Variants in RBMS3 observed in about 807,000 individuals in gnomAD.
The protein encoded by RBMS3 is RNA binding motif single stranded interacting protein 3.
In RBMS3, 27 loss-of-function variants were observed where a neutral mutation model predicts 66.8. The ratio of observed to expected loss-of-function variants is 0.40; its 90% CI spans 0.30 to 0.56. The LOEUF is 0.56. Ranked by LOEUF, RBMS3 falls within the 20% of genes least tolerant of loss-of-function variation. The pLI is 0.40. For synonymous variants in RBMS3, 188 were observed against 183.0 expected (o/e 1.03, Z -0.22); for missense variants, 513 against 549.5 (o/e 0.93, Z 0.66).
intron 4 of RBMS3, among the ~76,000 whole-genome samples, chr3:29,684,605 TGATA>T (rs536587096): frequency 2.3e-3 from 343 of 152,348 alleles, no homozygotes; most frequent in Non-Finnish European, 3.5e-3. Context: ...TCTGATTGTT[TGATA>T]GATAGACATA....
chr3:29,940,833 T>G (rs567442058), intron 11 of RBMS3, among the ~76,000 whole-genome samples: 95 of 151,900 alleles, frequency 6.3e-4, no homozygotes, highest in African/African-American at 2.2e-3. Context: ...CTGAAGGATT[T>G]TCCTAGCTTT....
At chr3:29,928,593 ACAAATAGTCT>A (rs1187949920) in intron 10 of RBMS3, among the ~76,000 whole-genome samples, 5 of 151,706 alleles carry the variant, frequency 3.3e-5, no homozygotes, top group African/African-American at 1.2e-4. Flanking sequence ...ATTTTTTCAC[ACAAATAGTCT>A]CATTTTTTCA....
chr3:29,774,537 AC>A (rs2056350809), intron 6 of RBMS3, among the ~76,000 whole-genome samples: 1 of 152,154 alleles, frequency 6.6e-6, no homozygotes, highest in Non-Finnish European at 1.5e-5. Context: ...ATGTTTTTAC[AC>A]ATAATCATTT....
At chr3:29,808,259 A>G (rs2057620484) in intron 6 of RBMS3, among the ~76,000 whole-genome samples, 1 of 151,896 alleles carries the variant, frequency 6.6e-6, no homozygotes, top group Non-Finnish European at 1.5e-5. Flanking sequence ...CATAACTTCT[A>G]CAGCCTTTCT....
At chr3:29,643,564 C>T (rs1031929972) in intron 4 of RBMS3, among the ~76,000 whole-genome samples, 1 of 152,046 alleles carries the variant, frequency 6.6e-6, no homozygotes, top group Non-Finnish European at 1.5e-5. Context: ...ATTCACGGAT[C>T]CATATGCTTA....
At chr3:29,420,981 C>A (rs937091358) in intron 1 of RBMS3, among the ~76,000 whole-genome samples, 2 of 146,576 alleles carry the variant, frequency 1.4e-5, no homozygotes, top group African/African-American at 4.9e-5. Context: ...GGCGTGGTGG[C>A]GGGCGCCTGT....
intron 6 of RBMS3, among the ~76,000 whole-genome samples, chr3:29,824,115 C>A (rs942206860): frequency 6.6e-6 from 1 of 151,188 alleles, no homozygotes; most frequent in Admixed American, 6.6e-5. Flanking sequence ...GTCCCCCCAC[C>A]CCCACCCCAC....
intron 1 of RBMS3, among the ~76,000 whole-genome samples, chr3:29,425,189 CAA>C (rs35181201): frequency 3.3e-4 from 38 of 114,638 alleles, no homozygotes; most frequent in African/African-American, 6.2e-4. Context: ...TAAAAAATAC[CAA>C]AAAAAAAAAA....
chr3:29,327,988 T>C (rs536600952), intron 1 of RBMS3, among the ~76,000 whole-genome samples: 1 of 152,338 alleles, frequency 6.6e-6, no homozygotes, highest in African/African-American at 2.4e-5. Flanking sequence ...TATCAGTAAA[T>C]GATTGTTATC....
chr3:29,784,208 T>G (rs566837846), intron 6 of RBMS3, among the ~76,000 whole-genome samples: 1 of 152,134 alleles, frequency 6.6e-6, no homozygotes, highest in Non-Finnish European at 1.5e-5. Flanking sequence ...TTAACAGATA[T>G]TTTCAGAACA....
At chr3:29,529,195 T>C (rs912353891) in intron 3 of RBMS3, among the ~76,000 whole-genome samples, 1 of 152,242 alleles carries the variant, frequency 6.6e-6, no homozygotes, top group Non-Finnish European at 1.5e-5. Context: ...AGTGTATTTA[T>C]TGATCTATTG....
At chr3:29,926,151 A>G (rs2060931298) in intron 10 of RBMS3, among the ~76,000 whole-genome samples, 1 of 152,196 alleles carries the variant, frequency 6.6e-6, no homozygotes, top group South Asian at 2.1e-4. Context: ...ATTAGACCAC[A>G]GAACATGTCA....
At chr3:29,627,233 A>G (rs979112663) in intron 4 of RBMS3, among the ~76,000 whole-genome samples, 2 of 151,920 alleles carry the variant, frequency 1.3e-5, no homozygotes, top group Non-Finnish European at 2.9e-5. Context: ...TGAACATCTC[A>G]CCTAGTATAA....
intron 4 of RBMS3, among the ~76,000 whole-genome samples, chr3:29,597,036 A>G (rs1460239857): frequency 1.3e-5 from 2 of 152,164 alleles, no homozygotes; most frequent in African/African-American, 4.8e-5. Context: ...GTGGAATGGG[A>G]CAAGATGGAC....
chr3:29,875,923 A>C (rs2059601583), intron 7 of RBMS3, among the ~76,000 whole-genome samples: 1 of 152,178 alleles, frequency 6.6e-6, no homozygotes, highest in Admixed American at 6.6e-5. Flanking sequence ...AGCAAAAGCC[A>C]AAAAGAAGAA....
intron 12 of RBMS3, among the ~76,000 whole-genome samples, chr3:29,963,067 T>C (rs1696591042): frequency 6.6e-6 from 1 of 152,042 alleles, no homozygotes; most frequent in Non-Finnish European, 1.5e-5. Context: ...TTTACTTTCC[T>C]GTTCAGAATG....
At chr3:29,610,983 G>A (rs921033534) in intron 4 of RBMS3, among the ~76,000 whole-genome samples, 1 of 151,828 alleles carries the variant, frequency 6.6e-6, no homozygotes, top group Non-Finnish European at 1.5e-5. Context: ...CAAGTCTTTG[G>A]TGCAGACATG....
chr3:29,957,517 G>A (rs1025393708), intron 12 of RBMS3, among the ~76,000 whole-genome samples: 2 of 152,118 alleles, frequency 1.3e-5, no homozygotes, highest in Non-Finnish European at 2.9e-5. Flanking sequence ...GGATAGGAAA[G>A]ACTCATGACA....
chr3:29,986,490 A>G (rs1406323299), intron 12 of RBMS3, among the ~76,000 whole-genome samples: 1 of 152,258 alleles, frequency 6.6e-6, no homozygotes, highest in Non-Finnish European at 1.5e-5. Context: ...TGGAACACAG[A>G]AAGCTTTACT....
Sources: gnomAD v4.1 joint callset for allele counts (sites outside exome capture counted in the v4.1 genomes callset) on GRCh38, gnomAD v4.1.1 for gene constraint, MANE v1.5 for transcripts, NCBI Gene and HGNC (gene_info 2026-07-23, HGNC 2026-07-21) for gene names.